The following HECW1 variants were observed in gnomAD, a reference collection of about 807,000 sequenced individuals.
HECW1 encodes the protein HECT, C2 and WW domain containing E3 ubiquitin protein ligase 1, also known as E3 ubiquitin-protein ligase HECW1.
In HECW1, 61 loss-of-function variants were observed where a neutral mutation model predicts 182.3. The ratio of observed to expected loss-of-function variants is 0.33; its 90% CI spans 0.27 to 0.41. The LOEUF is 0.41. HECW1 is among the 10% of genes least tolerant of loss of function. The pLI, the probability that HECW1 is intolerant of heterozygous loss-of-function variation, is 1.00. For missense variants in HECW1, 1,739 were observed against 2,108.9 expected, an observed-to-expected ratio of 0.82 and a Z score of 3.44; for synonymous variants, 859 against 832.6, an observed-to-expected ratio of 1.03 and a Z score of -0.55.
At chr7:43,163,063 T>C (rs3757564) in intron 2 of HECW1, 18,086 of 152,210 alleles carry the variant, frequency 0.12, 1,750 homozygotes, top group African/African-American at 0.27. Flanking sequence ...ACCCGGCACC[T>C]TTGGACCTGT....
chr7:43,297,872 G>T (rs1444977578), intron 3 of HECW1, among the ~76,000 whole-genome samples: 1 of 152,224 alleles, frequency 6.6e-6, no homozygotes, highest in Non-Finnish European at 1.5e-5. Flanking sequence ...AGGAGTTGAA[G>T]ACCAATCTGG....
In HECW1 at chr7:43,360,851, C is replaced by T. The variant is rs946634070; in HGVS notation, c.461-35C>T. 9.3e-6 allele frequency: 14 copies of T among 1,500,944 alleles called. No individual in the cohort carries two copies. The African/African-American group carries it at 1.8e-4, about 19-fold the overall frequency. The allele number at this position is 1,500,944 out of a possible 1,614,324, so 93.0% of individuals were successfully genotyped here. ...TAGCTGTCTCTCCCTGGGTTACACC[C>T]TACTTCTCAGTCTCATTTTTTGTTT... On this transcript the variant is annotated intron_variant, in intron 5 of 29. Coordinates refer to ENST00000395891, the MANE Select transcript of HECW1 (RefSeq NM_015052.5).
chr7:43,382,816 AGGTT>A (rs2074611256), intron 6 of HECW1, among the ~76,000 whole-genome samples: 3 of 152,302 alleles, frequency 2.0e-5, no homozygotes, highest in South Asian at 4.1e-4. Context: ...CTAAACATGC[AGGTT>A]TGTTACATAG....
intron 2 of HECW1, among the ~76,000 whole-genome samples, chr7:43,227,533 T>C (rs1442697504): frequency 1.3e-5 from 2 of 152,174 alleles, no homozygotes; most frequent in African/African-American, 4.8e-5. Context: ...AATCTACCAA[T>C]ATGCCATGTT....
At chr7:43,188,743 C>A (rs925552944) in intron 2 of HECW1, among the ~76,000 whole-genome samples, 2 of 152,174 alleles carry the variant, frequency 1.3e-5, no homozygotes, top group African/African-American at 4.8e-5. Context: ...GATGAGACTC[C>A]TGCCCCCGTG....
chr7:43,363,098 G>A (rs1232526993), intron 6 of HECW1, among the ~76,000 whole-genome samples: 2 of 152,220 alleles, frequency 1.3e-5, no homozygotes, highest in Non-Finnish European at 2.9e-5. Flanking sequence ...TTCACCTGCT[G>A]CTCAGACCAG....
In HECW1 at chr7:43,396,866, G is replaced by A. The variant is rs748371744; in HGVS notation, c.608G>A (p.Arg203Lys). 6.2e-7 allele frequency: 1 copy of A among 1,612,944 alleles called. No homozygotes were observed. The highest frequency in any genetic ancestry group is 8.5e-7 in the Non-Finnish European group (1 of 1,179,638). ...ACCGTCCAAGGACAAGGAAGTCGGAGGCTGATCAGCTTCTCTCTCTCAGGT... is the reference window on the plus strand; with the variant it reads ...ACCGTCCAAGGACAAGGAAGTCGGAAGCTGATCAGCTTCTCTCTCTCAGGT... ...DETVQGQGSR[R>K]LISFSLSDFQ... Residue 203 changes from arginine (R) to lysine (K), a missense_variant, in exon 7 of 30, where the codon AGG becomes AAG. Arg to Lys is a conservative substitution (Grantham distance 26). This residue lies in a region of HECW1 where 279 missense variants were observed against 353.1 expected (regional missense o/e 0.79). Transcript: ENST00000395891.
chr7:43,137,256 T>TTG (rs1275758075), intron 2 of HECW1, among the ~76,000 whole-genome samples: 2 of 152,078 alleles, frequency 1.3e-5, no homozygotes, highest in Admixed American at 1.3e-4. Context: ...AATCCCAGGG[T>TTG]GATGCTTTCA....
At chr7:43,130,093 A>G (rs1786744599) in intron 2 of HECW1, among the ~76,000 whole-genome samples, 1 of 152,168 alleles carries the variant, frequency 6.6e-6, no homozygotes, top group African/African-American at 2.4e-5. Flanking sequence ...AATTTTTTTT[A>G]AGCTTTGACT....
intron 21 of HECW1, among the ~76,000 whole-genome samples, chr7:43,503,429 T>C (rs2079449155): frequency 6.6e-6 from 1 of 152,264 alleles, no homozygotes; most frequent in Admixed American, 6.5e-5. Context: ...TACTAGACTA[T>C]GATGTTAACA....
At chr7:43,281,347 A>G (rs563773438) in intron 3 of HECW1, among the ~76,000 whole-genome samples, 1 of 152,350 alleles carries the variant, frequency 6.6e-6, no homozygotes, top group Non-Finnish European at 1.5e-5. Flanking sequence ...CTGGTGTCCA[A>G]CAATAGCTGA....
chr7:43,323,381 C>G (rs1043716094), intron 5 of HECW1, among the ~76,000 whole-genome samples: 1 of 152,028 alleles, frequency 6.6e-6, no homozygotes, highest in Non-Finnish European at 1.5e-5. Flanking sequence ...ATTGCTTGAG[C>G]CCAGGAGTTC....
intron 2 of HECW1, among the ~76,000 whole-genome samples, chr7:43,132,352 A>G (rs1026329032): frequency 1.3e-5 from 2 of 152,218 alleles, no homozygotes; most frequent in African/African-American, 2.4e-5. Context: ...TTGTCTTCAC[A>G]CTTACTAATA....
chr7:43,125,455 T>C (rs1178729706), intron 2 of HECW1, among the ~76,000 whole-genome samples: 1 of 152,084 alleles, frequency 6.6e-6, no homozygotes, highest in Non-Finnish European at 1.5e-5. Flanking sequence ...CTCAGACTTA[T>C]TCAAGAAGAG....
chr7:43,403,755 C>T (rs17172206), intron 7 of HECW1, among the ~76,000 whole-genome samples: 4,224 of 152,012 alleles, frequency 0.028, 210 homozygotes, highest in African/African-American at 0.096. Context: ...TTCTCAACTA[C>T]GCAAAGAAAA....
At chr7:43,170,186 G>A (rs755286341) in intron 2 of HECW1, among the ~76,000 whole-genome samples, 1 of 152,162 alleles carries the variant, frequency 6.6e-6, no homozygotes, top group Admixed American at 6.5e-5. Flanking sequence ...ACATGCAAGG[G>A]ATCTAGGTTG....
At chr7:43,309,579 G>A (rs938947395) in intron 3 of HECW1, among the ~76,000 whole-genome samples, 10 of 152,120 alleles carry the variant, frequency 6.6e-5, no homozygotes, top group African/African-American at 1.7e-4. Flanking sequence ...TTGAAACCAC[G>A]TACATAAAAA....
chr7:43,211,691 C>T (rs147604700), intron 2 of HECW1, among the ~76,000 whole-genome samples: 23 of 152,336 alleles, frequency 1.5e-4, no homozygotes, highest in African/African-American at 5.1e-4. Flanking sequence ...TCCCCCTTGC[C>T]TCCCTCAAAT....
At chr7:43,191,362 A>G (rs1380385911) in intron 2 of HECW1, among the ~76,000 whole-genome samples, 2 of 152,218 alleles carry the variant, frequency 1.3e-5, no homozygotes, top group Admixed American at 1.3e-4. Flanking sequence ...GTAGCTTGCC[A>G]GTTAGCTGCT....
Sources: gnomAD v4.1 joint callset for allele counts (sites outside exome capture counted in the v4.1 genomes callset) on GRCh38, gnomAD v4.1.1 for gene constraint, gnomAD v4.1.1 regional missense constraint, MANE v1.5 for transcripts, NCBI Gene and HGNC (gene_info 2026-07-23, HGNC 2026-07-21) for gene names.